ERBB4: variants seen among roughly 807,000 people sequenced by gnomAD.
ERBB4 encodes the protein receptor tyrosine-protein kinase erbB-4.
Under a neutral mutation model 158.0 loss-of-function variants are expected in ERBB4, and 42 were observed. The ratio of observed to expected loss-of-function variants is 0.27; its 90% CI spans 0.21 to 0.34. ERBB4 has a LOEUF of 0.34. Ranked by LOEUF, ERBB4 falls within the 10% of genes least tolerant of loss-of-function variation. ERBB4 has a pLI of 1.00. For missense variants in ERBB4, 1,333 were observed against 1,624.1 expected (o/e 0.82, Z 3.08); for synonymous variants, 583 against 558.7 (o/e 1.04, Z -0.61).
chr2:212,159,187 G>A (rs1366002469), intron 1 of ERBB4, among the ~76,000 whole-genome samples: 2 of 151,658 alleles, frequency 1.3e-5, no homozygotes, highest in African/African-American at 2.4e-5. Flanking sequence ...TGAGCCACTT[G>A]CAGATCCTGA....
chr2:212,213,612 T>A (rs2083003886), intron 1 of ERBB4, among the ~76,000 whole-genome samples: 1 of 151,930 alleles, frequency 6.6e-6, no homozygotes, highest in Non-Finnish European at 1.5e-5. Context: ...GTGATTGATA[T>A]TAGTACAATG....
At chr2:211,456,955 G>A (rs1383867026) in intron 20 of ERBB4, among the ~76,000 whole-genome samples, 6 of 152,154 alleles carry the variant, frequency 3.9e-5, no homozygotes, top group African/African-American at 1.4e-4. Context: ...TAGTCTATAT[G>A]TGAAACATTG....
Position 212,111,820 on chromosome 2 carries a change from G to A in ERBB4, c.234+12932C>T, listed in dbSNP as rs537198151. ...TAAGATGTAGCTCTTGTTTTAAGGC[G>A]CTCTTGAGTTCAATCTGGGAATGTC... On this transcript the variant is annotated intron_variant, in intron 2 of 27. Transcript: ENST00000342788. Among the ~76,000 whole-genome samples the A allele has an allele frequency of 1.6e-4, 24 of 152,056 alleles. No homozygotes were observed. In the East Asian group the frequency reaches 2.1e-3, roughly 14 times the overall value.
At chr2:211,685,096 C>T (rs1042367845) in intron 12 of ERBB4, among the ~76,000 whole-genome samples, 9 of 152,104 alleles carry the variant, frequency 5.9e-5, no homozygotes, top group African/African-American at 2.2e-4. Context: ...TCATTCTTAT[C>T]TTAGGATATT....
chr2:211,961,864 T>C (rs1575440959), intron 2 of ERBB4, among the ~76,000 whole-genome samples: 1 of 152,132 alleles, frequency 6.6e-6, no homozygotes, highest in Admixed American at 6.6e-5. Context: ...TTATGTCACA[T>C]GTCTTAAAGG....
intron 4 of ERBB4, among the ~76,000 whole-genome samples, chr2:211,764,418 A>C (rs1046335400): frequency 1.3e-5 from 2 of 152,224 alleles, no homozygotes; most frequent in East Asian, 3.8e-4. Flanking sequence ...AACTTCTGAA[A>C]TACAAATCCT....
intron 12 of ERBB4, among the ~76,000 whole-genome samples, chr2:211,699,789 T>A (rs778885390): frequency 1.3e-5 from 2 of 152,206 alleles, no homozygotes; most frequent in Non-Finnish European, 2.9e-5. Flanking sequence ...ATATTTTAGC[T>A]TATTATCATT....
intron 4 of ERBB4, among the ~76,000 whole-genome samples, chr2:211,756,225 C>T (rs1381698388): frequency 6.6e-6 from 1 of 151,558 alleles, no homozygotes; most frequent in Middle Eastern, 3.2e-3. Context: ...ATAATATTTG[C>T]GAAAATATAG....
At chr2:211,627,444 G>C (rs1006132554) in intron 17 of ERBB4, among the ~76,000 whole-genome samples, 3 of 152,236 alleles carry the variant, frequency 2.0e-5, no homozygotes, top group Non-Finnish European at 4.4e-5. Flanking sequence ...TCATGAGACA[G>C]CTCATTCCAA....
At position 212,364,899 on chromosome 2, in the gene ERBB4, CTGTGTGTGTGTGTGAG is replaced by C. The variant is rs1451857206; in HGVS notation, c.82+173534_82+173549del. 1.5e-5 allele frequency among the ~76,000 whole-genome samples: 2 copies of C among 134,588 alleles called. 1 individual carries two copies. Among genetic ancestry groups the C allele is most frequent in the Non-Finnish European group, 3.2e-5 (2 of 62,104 alleles). The allele number at this position is 134,588 out of a possible 152,430, so 88.3% of individuals were successfully genotyped here. A position where few individuals can be genotyped will look rare whatever the true frequency, so the allele number is the denominator to read the frequency against. On this transcript the variant is annotated intron_variant, in intron 1 of 27. Transcript: ENST00000342788. ...TGTAACAGATTATTTGTGTGTGCGT[CTGTGTGTGTGTGTGAG>C]TGTGTGTGTGTGTGTGTGTGTGTTT...
chr2:211,630,620 A>T (rs2070077574), intron 16 of ERBB4, 26 bp from the exon 17 acceptor site: 2 of 1,601,876 alleles, frequency 1.2e-6, no homozygotes, highest in Non-Finnish European at 1.7e-6. Context: ...AGAAAAAAAA[A>T]AATAAAAAGT....
intron 3 of ERBB4, among the ~76,000 whole-genome samples, chr2:211,815,278 TAA>T (rs987280689): frequency 5.9e-5 from 9 of 152,184 alleles, no homozygotes; most frequent in Admixed American, 1.3e-4. Flanking sequence ...TATAAAAACA[TAA>T]AGTGTTATAG....
At chr2:211,529,190 T>C (rs1480946017) in intron 20 of ERBB4, among the ~76,000 whole-genome samples, 1 of 150,404 alleles carries the variant, frequency 6.6e-6, no homozygotes, top group East Asian at 1.9e-4. Flanking sequence ...CTTGTACTAC[T>C]GACATTCAAG....
chr2:211,890,677 C>T (rs1370759496), intron 3 of ERBB4, among the ~76,000 whole-genome samples: 1 of 132,470 alleles, frequency 7.5e-6, no homozygotes, highest in Non-Finnish European at 1.6e-5. Flanking sequence ...CGTGCAGAGA[C>T]ACACATAGGC....
intron 12 of ERBB4, among the ~76,000 whole-genome samples, chr2:211,683,553 G>T (rs940937647): frequency 6.6e-6 from 1 of 152,026 alleles, no homozygotes; most frequent in African/African-American, 2.4e-5. Flanking sequence ...CATAGTATGG[G>T]TTACTACAAT....
At chr2:212,510,625 TAGG>T (rs1479873650) in intron 1 of ERBB4, among the ~76,000 whole-genome samples, 4 of 152,026 alleles carry the variant, frequency 2.6e-5, no homozygotes, top group African/African-American at 9.7e-5. Flanking sequence ...CCTTAACTAA[TAGG>T]AGATCACATA....
chr2:211,539,631 G>T (rs1026174674), intron 20 of ERBB4, among the ~76,000 whole-genome samples: 2 of 152,012 alleles, frequency 1.3e-5, no homozygotes, highest in African/African-American at 4.8e-5. Flanking sequence ...TTCTGGAAAG[G>T]GTAGCTCATT....
rs547930603 is a variant in ERBB4 at position 211,981,450 on chromosome 2, T to TA, written c.235-33835_235-33834insT. Among the ~76,000 whole-genome samples the TA allele has an allele frequency of 3.3e-5, 5 of 152,260 alleles. No homozygotes were observed. In the South Asian group the frequency reaches 1.0e-3, roughly 32 times the overall value. ...TTAAAACTCTTTAGTGGCTGGTTTT[T>TA]GCCTGTAGGTTTAGGTGTAAATTCT... On this transcript the variant is annotated intron_variant, in intron 2 of 27. Coordinates refer to ENST00000342788, the MANE Select transcript of ERBB4 (RefSeq NM_005235.3).
At chr2:212,377,117 T>C (rs944174670) in intron 1 of ERBB4, among the ~76,000 whole-genome samples, 16 of 151,422 alleles carry the variant, frequency 1.1e-4, no homozygotes, top group Admixed American at 9.9e-4. Context: ...TTGTAATATA[T>C]AGCTCTTACG....
Sources: gnomAD v4.1 joint callset for allele counts (sites outside exome capture counted in the v4.1 genomes callset) on GRCh38, gnomAD v4.1.1 for gene constraint, MANE v1.5 for transcripts, NCBI Gene and HGNC (gene_info 2026-07-23, HGNC 2026-07-21) for gene names.